Variants in SRGAP2 observed in about 807,000 individuals in gnomAD.
SRGAP2 encodes the protein SLIT-ROBO Rho GTPase-activating protein 2.
SRGAP2 carries 15 observed loss-of-function variants against 57.2 expected under a neutral mutation model. That is an observed-to-expected ratio of 0.26 (90% CI 0.18 to 0.40). The LOEUF is 0.40. Ranked by LOEUF, SRGAP2 falls within the 10% of genes least tolerant of loss-of-function variation. The probability of loss-of-function intolerance (pLI) is 1.00; values close to 1 mark genes in which losing one functional copy is unlikely to be tolerated. For missense variants in SRGAP2, 520 were observed against 669.6 expected, an observed-to-expected ratio of 0.78 and a Z score of 2.47; for synonymous variants, 249 against 248.0, an observed-to-expected ratio of 1.00 and a Z score of -0.04.
intron 21 of SRGAP2, among the ~76,000 whole-genome samples, chr1:206,456,616 GAA>G (rs1378437570): frequency 3.3e-5 from 5 of 150,896 alleles, no homozygotes; most frequent in African/African-American, 9.7e-5. Context: ...AACAGAAGAA[GAA>G]AAAAAAAGAG....
chr1:206,455,146 A>G, intron 21 of SRGAP2, 122 bp downstream of exon 21: 1 of 757,228 alleles, frequency 1.3e-6, no homozygotes. Flanking sequence ...CCCCAGCCTA[A>G]CAGTTTGCAT....
chr1:206,443,355 TTTG>T (rs1662478638), intron 17 of SRGAP2, among the ~76,000 whole-genome samples: 1 of 152,096 alleles, frequency 6.6e-6, no homozygotes. Context: ...TTGTTTTTAT[TTTG>T]TTGTTGTTTG....
chr1:206,324,553 T>A (rs1673726013), intron 3 of SRGAP2, among the ~76,000 whole-genome samples: 1 of 152,040 alleles, frequency 6.6e-6, no homozygotes, highest in South Asian at 2.1e-4. Flanking sequence ...ATTCTTCTAT[T>A]GACTTTATCA....
At chr1:206,309,153 G>A (rs1199887800) in intron 3 of SRGAP2, among the ~76,000 whole-genome samples, 1 of 145,720 alleles carries the variant, frequency 6.9e-6, no homozygotes, top group Non-Finnish European at 1.5e-5. Context: ...GTGACAGAGT[G>A]AGACCCTGTG....
intron 14 of SRGAP2, among the ~76,000 whole-genome samples, chr1:206,431,247 T>C (rs1005886551): frequency 6.6e-6 from 1 of 152,228 alleles, no homozygotes; most frequent in African/African-American, 2.4e-5. Context: ...TATATCAGTA[T>C]TGAACAGTCA....
At chr1:206,345,753 C>G (rs1239573951) in intron 4 of SRGAP2, among the ~76,000 whole-genome samples, 1 of 152,058 alleles carries the variant, frequency 6.6e-6, no homozygotes, top group Non-Finnish European at 1.5e-5. Flanking sequence ...GATCATGCCA[C>G]TGCACTCCAG....
chr1:206,333,233 A>T, intron 3 of SRGAP2: 1 of 722,580 alleles, frequency 1.4e-6, no homozygotes, highest in East Asian at 2.9e-5. Flanking sequence ...AAATGCAGAA[A>T]TCACCCGTCT....
At chr1:206,416,893 A>G (rs1558408573) in intron 11 of SRGAP2, among the ~76,000 whole-genome samples, 3 of 152,262 alleles carry the variant, frequency 2.0e-5, no homozygotes. Context: ...GAGATCTGAC[A>G]TTTTAAAATA....
At chr1:206,395,832 T>TAA (rs782646324) in intron 7 of SRGAP2, among the ~76,000 whole-genome samples, 26 of 141,598 alleles carry the variant, frequency 1.8e-4, no homozygotes, top group African/African-American at 6.0e-4. Context: ...TTTCATCATT[T>TAA]AAAAAAAAAA....
At chr1:206,446,032 A>AT (rs782305642) in intron 17 of SRGAP2, 43 bp from the exon 18 acceptor site, 2 of 772,500 alleles carry the variant, frequency 2.6e-6, no homozygotes, top group African/African-American at 3.4e-5. Flanking sequence ...CTGGGCATTC[A>AT]TGCGAGAGCT....
In SRGAP2 at chr1:206,464,222, A is replaced by T. The variant is rs1230273933; in HGVS notation, c.*2802A>T. The T allele has an allele frequency of 1.3e-5, 2 of 152,648 alleles. No individual in the cohort carries two copies. The highest frequency in any genetic ancestry group is 6.5e-5 in the Admixed American group (1 of 15,290). 9.5% of individuals were successfully genotyped at this position (152,648 alleles called of 1,614,324 possible). On this transcript the variant is annotated 3_prime_UTR_variant, in exon 23 of 23. Coordinates refer to ENST00000573034, the MANE Select transcript of SRGAP2 (RefSeq NM_015326.5). ...AGATCTACTTCCCATGCAGAAGAGA[A>T]GTCACATCTTCCAGGGAATCGCAAT... is the stretch of plus-strand genomic sequence containing the variant.
intron 17 of SRGAP2, 45 bp downstream of exon 17, chr1:206,440,126 G>A: frequency 1.3e-6 from 1 of 771,434 alleles, no homozygotes; most frequent in Admixed American, 1.7e-5. Flanking sequence ...CTTTGGCTTG[G>A]GCACTGGAAG....
chr1:206,451,872 C>T (rs1039061868), intron 19 of SRGAP2, among the ~76,000 whole-genome samples: 2 of 152,190 alleles, frequency 1.3e-5, no homozygotes, highest in African/African-American at 4.8e-5. Flanking sequence ...CTCTGACCAG[C>T]CTCCTATAGT....
chr1:206,253,460 C>T (rs1319337274), intron 2 of SRGAP2, among the ~76,000 whole-genome samples: 22 of 151,882 alleles, frequency 1.4e-4, no homozygotes, highest in Non-Finnish European at 2.5e-4. Flanking sequence ...AGGCAGGTTC[C>T]TTGACCTTGG....
chr1:206,281,909 G>A (rs1352871984), intron 2 of SRGAP2, among the ~76,000 whole-genome samples: 27 of 137,936 alleles, frequency 2.0e-4, no homozygotes, highest in Admixed American at 3.5e-4. Context: ...GTGAGACTCC[G>A]TCACAAAAAA....
At chr1:206,231,556 T>A (rs1439959556) in intron 2 of SRGAP2, among the ~76,000 whole-genome samples, 3 of 151,340 alleles carry the variant, frequency 2.0e-5, no homozygotes, top group African/African-American at 7.3e-5. Context: ...TTTTTTTTTT[T>A]AGACAGAGTC....
At position 206,419,410 on chromosome 1, in the gene SRGAP2, G is replaced by T. The variant is rs782315639; in HGVS notation, c.1469+10G>T. The stretch of plus-strand genomic sequence containing the variant: ...ATTGCAGTCTAGCCAGGTGAGTGTG[G>T]CCTGGGACAGGCCTGGGAAGTGATA... On this transcript the variant is annotated intron_variant, in intron 12 of 22. Transcript: ENST00000573034. The T allele has an allele frequency of 1.3e-6, 1 of 780,784 alleles. No homozygotes were observed. The highest frequency in any genetic ancestry group is 2.4e-5 in the East Asian group (1 of 41,242). 48.4% of individuals were successfully genotyped at this position (780,784 alleles called of 1,614,324 possible).
chr1:206,307,144 G>C (rs1672268666), intron 3 of SRGAP2, among the ~76,000 whole-genome samples: 1 of 152,220 alleles, frequency 6.6e-6, no homozygotes, highest in Non-Finnish European at 1.5e-5. Context: ...CTAAACACAG[G>C]GTGCTGATTG....
At chr1:206,446,524 AG>A (rs1430284613) in intron 18 of SRGAP2, among the ~76,000 whole-genome samples, 1 of 152,232 alleles carries the variant, frequency 6.6e-6, no homozygotes, top group Non-Finnish European at 1.5e-5. Flanking sequence ...CTGAGTGGCA[AG>A]GGACTATTCT....
Sources: allele counts gnomAD v4.1 joint callset (sites outside exome capture counted in the v4.1 genomes callset), GRCh38; gene constraint gnomAD v4.1.1; transcripts MANE v1.5; gene names NCBI Gene and HGNC (gene_info 2026-07-23, HGNC 2026-07-21).